Variants in FUT8 observed in about 807,000 individuals in gnomAD.
FUT8 encodes fucosyltransferase 8, also known as alpha-(1,6)-fucosyltransferase.
FUT8 carries 29 observed loss-of-function variants against 71.3 expected under a neutral mutation model. The observed-to-expected ratio is 0.41, with a 90% CI of 0.30 to 0.55. The LOEUF (loss-of-function observed/expected upper bound fraction) is 0.55. Among genes scored for constraint, FUT8 ranks in the 20% least tolerant of loss-of-function variants. The pLI is 0.34. For missense variants in FUT8, 544 were observed against 702.1 expected (o/e 0.77, Z 2.55); for synonymous variants, 254 against 239.3 (o/e 1.06, Z -0.57).
chr14:65,368,697 A>AT, the FUT8 span, among the ~76,000 whole-genome samples: 5 of 147,316 alleles, frequency 3.4e-5, 1 homozygote, highest in Non-Finnish European at 7.5e-5. Flanking sequence ...AATTTTTTGT[A>AT]TTTTTAGTAG....
chr14:65,595,117 CA>C (rs1254804481), intron 3 of FUT8, among the ~76,000 whole-genome samples: 4 of 152,122 alleles, frequency 2.6e-5, no homozygotes, highest in Non-Finnish European at 5.9e-5. Flanking sequence ...AAACCACTTT[CA>C]AATGTGTATT....
In FUT8 at chr14:65,643,421, G is replaced by A. The variant is rs888150276; in HGVS notation, c.597+13815G>A. The stretch of plus-strand genomic sequence containing the variant: ...TGTAATCCCAGCACTTTGGGAGGCC[G>A]AGGCAGGCGGGTCACGAGGTCAGGA... On this transcript the variant is annotated intron_variant, in intron 6 of 10. Coordinates refer to ENST00000673929, the MANE Select transcript of FUT8 (RefSeq NM_001371533.1). The surrounding 1 kb of genome is among the most constrained non-coding windows in gnomAD (Gnocchi z 4.5). Among the ~76,000 whole-genome samples, 29 of 152,100 alleles carry A rather than the reference G, an allele frequency of 1.9e-4. No individual in the cohort carries two copies. The highest frequency in any genetic ancestry group is 6.0e-4 in the African/African-American group (25 of 41,400).
chr14:65,442,824 A>G (rs1048945618), intron 1 of FUT8, among the ~76,000 whole-genome samples: 12 of 54,486 alleles, frequency 2.2e-4, no homozygotes, highest in Middle Eastern at 0.018. Flanking sequence ...CCATCTCATT[A>G]AAAAAAAAAA....
At chr14:65,503,720 G>T (rs2066682640) in intron 2 of FUT8, among the ~76,000 whole-genome samples, 1 of 151,950 alleles carries the variant, frequency 6.6e-6, no homozygotes, top group Non-Finnish European at 1.5e-5. Context: ...CCTTTTGTCT[G>T]TTGATACTAT....
At chr14:65,593,841 G>C (rs1887821429) in intron 3 of FUT8, among the ~76,000 whole-genome samples, 1 of 152,214 alleles carries the variant, frequency 6.6e-6, no homozygotes, top group African/African-American at 2.4e-5. Flanking sequence ...CTCCCAAAGT[G>C]CTGGGATTAC....
rs764558979 is a variant in FUT8 at position 65,669,289 on chromosome 14, A to G, written c.644A>G (p.Asn215Ser). ...GCCAAAAAGCTGGTGTGTAATATCA[A>G]CAAAGGCTGTGGCTATGGCTGTCAG... Reference protein sequence around the residue: ...SKAKKLVCNINKGCGYGCQLH... With the variant: ...SKAKKLVCNISKGCGYGCQLH... Residue 215 changes from asparagine (N) to serine (S), a missense_variant, in exon 7 of 11, where the codon AAC (asparagine) becomes AGC (serine). Physicochemically the swap from Asn to Ser is conservative, Grantham distance 46. Coordinates refer to ENST00000673929, the MANE Select transcript of FUT8 (RefSeq NM_001371533.1). This position sits in a 1 kb window ranked among gnomAD's most constrained non-coding sequence, Gnocchi z 4.5. The G allele has an allele frequency of 6.2e-7, 1 of 1,613,894 alleles. No individual in the cohort carries two copies. Among genetic ancestry groups the G allele is most frequent in the Non-Finnish European group, 8.5e-7 (1 of 1,179,894 alleles).
intron 1 of FUT8, among the ~76,000 whole-genome samples, chr14:65,453,140 CTTT>C (rs35340794): frequency 3.5e-5 from 5 of 143,556 alleles, no homozygotes; most frequent in Non-Finnish European, 3.0e-5. Flanking sequence ...TTCCTATATT[CTTT>C]TTTTTTTTTT....
chr14:65,645,234 A>G (rs1289885577), intron 6 of FUT8, among the ~76,000 whole-genome samples: 1 of 152,212 alleles, frequency 6.6e-6, no homozygotes, highest in Non-Finnish European at 1.5e-5. Flanking sequence ...CCAGGATGAA[A>G]AAAGAACTCC....
chr14:65,475,719 GCTCAGGCTCTATATGGTAGAGCCA>G (rs1380688416), intron 2 of FUT8, among the ~76,000 whole-genome samples: 1 of 151,886 alleles, frequency 6.6e-6, no homozygotes, highest in East Asian at 1.9e-4. Flanking sequence ...ACCATATAGA[GCTCAGGCTCTATATGGTAGAGCCA>G]CTGCAATCCA....
At chr14:65,617,154 C>T in intron 5 of FUT8, 1 of 1,585,826 alleles carries the variant, frequency 6.3e-7, no homozygotes, top group Non-Finnish European at 8.5e-7. Flanking sequence ...ATTAGCACAA[C>T]CTACTACTGT....
intron 3 of FUT8, among the ~76,000 whole-genome samples, chr14:65,597,672 A>G (rs191630583): frequency 1.4e-3 from 215 of 151,786 alleles, no homozygotes; most frequent in African/African-American, 5.0e-3. Flanking sequence ...ATATCACAGA[A>G]TGGCTTGTCT....
the FUT8 span, among the ~76,000 whole-genome samples, chr14:65,359,742 C>A: frequency 2.6e-5 from 4 of 152,194 alleles, no homozygotes; most frequent in Admixed American, 6.6e-5. Context: ...TTGACTGACA[C>A]TTGGGTTGCT....
chr14:65,384,123 A>G, the FUT8 span, among the ~76,000 whole-genome samples: 108 of 151,398 alleles, frequency 7.1e-4, no homozygotes, highest in African/African-American at 2.6e-3. The surrounding 1 kb of genome is among the most constrained non-coding windows in gnomAD (Gnocchi z 4.2). Context: ...ACCACCAAGG[A>G]TAGTCAGTTA....
At chr14:65,441,614 G>C (rs991929739) in intron 1 of FUT8, among the ~76,000 whole-genome samples, 7 of 151,906 alleles carry the variant, frequency 4.6e-5, no homozygotes, top group Non-Finnish European at 8.8e-5. Flanking sequence ...TTAGCCGGGT[G>C]TGGTGGCACA....
At chr14:65,406,089 A>T (rs1483431991), upstream of FUT8, among the ~76,000 whole-genome samples, 1 of 152,272 alleles carries the variant, frequency 6.6e-6, no homozygotes, top group East Asian at 1.9e-4. Flanking sequence ...GATAAAATAC[A>T]GGTCGATGGT....
chr14:65,416,284 T>C (rs2065217737), intron 1 of FUT8, among the ~76,000 whole-genome samples: 1 of 151,636 alleles, frequency 6.6e-6, no homozygotes, highest in South Asian at 2.1e-4. Flanking sequence ...TTTAAACAAC[T>C]CTGAAACTAA....
intron 6 of FUT8, among the ~76,000 whole-genome samples, chr14:65,645,145 C>G (rs1385372020): frequency 6.6e-6 from 1 of 152,090 alleles, no homozygotes; most frequent in African/African-American, 2.4e-5. Flanking sequence ...GTGAAAGCAC[C>G]ACAAGTATTG....
chr14:65,595,602 C>CTTTTTTTTTTTTTTTTTTTTT (rs34129010), intron 3 of FUT8, among the ~76,000 whole-genome samples: 1 of 81,724 alleles, frequency 1.2e-5, no homozygotes, highest in Non-Finnish European at 2.2e-5. Context: ...ACACCATTCT[C>CTTTTTTTTTTTTTTTTTTTTT]TTTTTTTTTT....
chr14:65,416,613 G>T (rs1379243819), intron 1 of FUT8, among the ~76,000 whole-genome samples: 1 of 151,962 alleles, frequency 6.6e-6, no homozygotes, highest in Non-Finnish European at 1.5e-5. Context: ...CTTGGAGTTT[G>T]AATTGTTTTT....
Sources: allele counts gnomAD v4.1 joint callset (sites outside exome capture counted in the v4.1 genomes callset), GRCh38; gene constraint gnomAD v4.1.1; non-coding constraint Gnocchi (gnomAD v3.1); transcripts MANE v1.5; gene names NCBI Gene and HGNC (gene_info 2026-07-23, HGNC 2026-07-21).